Variants in GALNT2 observed in about 807,000 individuals in gnomAD.
GALNT2 encodes UDP-GalNAc:polypeptide N-acetylgalactosaminyltransferase 2.
A neutral mutation model predicts 81.4 loss-of-function variants in GALNT2; 31 were observed. The observed-to-expected ratio is 0.38, with a 90% confidence interval of 0.29 to 0.51. The LOEUF (loss-of-function observed/expected upper bound fraction) is 0.51. Among genes scored for constraint, GALNT2 ranks in the 20% least tolerant of loss-of-function variants. The pLI, the probability that GALNT2 is intolerant of heterozygous loss-of-function variation, is 0.87. For synonymous variants in GALNT2, 303 were observed against 287.4 expected (o/e 1.05, Z -0.55); for missense variants, 629 against 765.7 (o/e 0.82, Z 2.11).
intron 1 of GALNT2, among the ~76,000 whole-genome samples, chr1:230,086,074 C>T (rs966623828): frequency 7.2e-5 from 11 of 152,172 alleles, no homozygotes; most frequent in South Asian, 6.2e-4. Context: ...GAGAGATTTC[C>T]GTCCACCTTC....
chr1:230,178,561 A>G (rs1179182308), intron 2 of GALNT2, among the ~76,000 whole-genome samples: 1 of 152,230 alleles, frequency 6.6e-6, no homozygotes, highest in African/African-American at 2.4e-5. Context: ...GAAAGTATAT[A>G]TTAGTATATA....
upstream of GALNT2, among the ~76,000 whole-genome samples, chr1:230,062,348 G>A (rs2102733795): frequency 6.6e-6 from 1 of 152,168 alleles, no homozygotes; most frequent in African/African-American, 2.4e-5. Context: ...CTTGTCATTT[G>A]TAGTTTTTTC....
intron 1 of GALNT2, among the ~76,000 whole-genome samples, chr1:230,158,799 A>G (rs953573627): frequency 6.6e-6 from 1 of 152,094 alleles, no homozygotes; most frequent in Non-Finnish European, 1.5e-5. Flanking sequence ...ACAGATAAAG[A>G]TTTTGTACCA....
intron 15 of GALNT2, among the ~76,000 whole-genome samples, chr1:230,277,067 T>C (rs1196594270): frequency 1.6e-4 from 24 of 152,254 alleles, no homozygotes; most frequent in Admixed American, 1.6e-3. Flanking sequence ...CAGTCCCAGT[T>C]TTGGGGAACC....
At chr1:230,201,382 G>C (rs147094472) in intron 2 of GALNT2, among the ~76,000 whole-genome samples, 1 of 152,196 alleles carries the variant, frequency 6.6e-6, no homozygotes, top group African/African-American at 2.4e-5. Flanking sequence ...TTCTGACCTC[G>C]CAGGACCATT....
At chr1:230,141,142 A>G (rs1661717794) in intron 1 of GALNT2, among the ~76,000 whole-genome samples, 1 of 152,232 alleles carries the variant, frequency 6.6e-6, no homozygotes, top group East Asian at 1.9e-4. Context: ...ACAGGAGATT[A>G]GTAGGAACTG....
Position 230,275,375 on chromosome 1 carries a change from ACAC to A in GALNT2, c.1560+815_1560+817del, listed in dbSNP as rs560028014. On this transcript the variant is annotated intron_variant, in intron 15 of 15. Coordinates refer to ENST00000366672, the MANE Select transcript of GALNT2 (RefSeq NM_004481.5). The surrounding 1 kb of genome is among the most constrained non-coding windows in gnomAD (Gnocchi z 5.5). Reference sequence around the variant, plus strand: ...ATACATGCCACATATACATCTATAAACACCACATGTATACACGCCACATATATA... The same window carrying A: ...ATACATGCCACATATACATCTATAAACACATGTATACACGCCACATATATA... Among the ~76,000 whole-genome samples the A allele has an allele frequency of 5.4e-3, 815 of 151,016 alleles. 6 individuals are homozygous for A. The highest frequency in any genetic ancestry group is 4.8e-3 in the Non-Finnish European group (327 of 67,662).
At chr1:230,210,120 C>T (rs1664189094) in intron 3 of GALNT2, among the ~76,000 whole-genome samples, 1 of 152,160 alleles carries the variant, frequency 6.6e-6, no homozygotes, top group South Asian at 2.1e-4. Flanking sequence ...TTCCGGGATC[C>T]AAACTCCTTT....
chr1:230,267,106 C>T (rs1196290007), intron 14 of GALNT2, among the ~76,000 whole-genome samples: 1 of 152,234 alleles, frequency 6.6e-6, no homozygotes. Flanking sequence ...TGTGCACATG[C>T]ACCTAGACTC....
At chr1:230,061,192 ATGTG>A (rs58105454) in intron 1 of GALNT2, among the ~76,000 whole-genome samples, 4,050 of 148,870 alleles carry the variant, frequency 0.027, 75 homozygotes, top group African/African-American at 0.05. Flanking sequence ...ATGAGCATAG[ATGTG>A]TGTGTGTGTG....
chr1:230,154,099 GTGTC>G lies in GALNT2; in HGVS notation c.127-24116_127-24113del, dbSNP rs145137210. Among the ~76,000 whole-genome samples, 1,412 of 152,326 alleles carry G rather than the reference GTGTC, an allele frequency of 9.3e-3. 11 individuals are homozygous for G. Among genetic ancestry groups the G allele is most frequent in the Non-Finnish European group, 0.014 (938 of 68,010 alleles). Reference sequence around the variant, plus strand: ...TTTTTGAAAAGAGCTTGCATAATCAGTGTCTGGTGAGCTGTGAGGCCAAGAGCAT... The same window carrying G: ...TTTTTGAAAAGAGCTTGCATAATCAGTGGTGAGCTGTGAGGCCAAGAGCAT... On this transcript the variant is annotated intron_variant, in intron 1 of 15. Coordinates refer to ENST00000366672, the MANE Select transcript of GALNT2 (RefSeq NM_004481.5).
intron 1 of GALNT2, among the ~76,000 whole-genome samples, chr1:230,119,578 A>C (rs1221478282): frequency 6.6e-6 from 1 of 152,148 alleles, no homozygotes; most frequent in Admixed American, 6.5e-5. Context: ...CAACATTGTA[A>C]CATTTTAATT....
intron 1 of GALNT2, among the ~76,000 whole-genome samples, chr1:230,081,435 C>T (rs549728377): frequency 2.6e-5 from 4 of 152,026 alleles, no homozygotes; most frequent in African/African-American, 7.2e-5. Flanking sequence ...TTTTAATACT[C>T]TTATTGGCAA....
intron 3 of GALNT2, among the ~76,000 whole-genome samples, chr1:230,211,954 C>T (rs538211207): frequency 3.9e-4 from 59 of 152,180 alleles, no homozygotes; most frequent in African/African-American, 1.4e-3. Context: ...GTTTGCAGAG[C>T]AGAGGTTGTT....
chr1:230,108,886 T>G (rs6701288), intron 1 of GALNT2, among the ~76,000 whole-genome samples: 3,709 of 152,312 alleles, frequency 0.024, 161 homozygotes, highest in African/African-American at 0.085. Flanking sequence ...AATTCCAGAT[T>G]TGAAGTACAG....
intron 1 of GALNT2, among the ~76,000 whole-genome samples, chr1:230,075,198 T>C (rs955764256): frequency 7.3e-6 from 1 of 137,428 alleles, no homozygotes; most frequent in African/African-American, 2.6e-5. Flanking sequence ...CAATCTCGGC[T>C]CACTGCAACC....
At chr1:230,067,498 C>G in intron 1 of GALNT2, 92 bp downstream of exon 1, 1 of 422,310 alleles carries the variant, frequency 2.4e-6, no homozygotes, top group Non-Finnish European at 3.6e-6. Flanking sequence ...CCCCTGCGCT[C>G]CTCCGCCCGG....
intron 1 of GALNT2, among the ~76,000 whole-genome samples, chr1:230,123,578 C>T (rs1466714999): frequency 6.6e-6 from 1 of 152,166 alleles, no homozygotes; most frequent in Non-Finnish European, 1.5e-5. Context: ...CCGACTCCAC[C>T]TTTGATTTTC....
intron 1 of GALNT2, among the ~76,000 whole-genome samples, chr1:230,101,692 G>T (rs545457536): frequency 1.1e-4 from 17 of 152,342 alleles, no homozygotes; most frequent in South Asian, 1.0e-3. Context: ...TGTATCTTAA[G>T]TGGAACTGTG....
Sources: gnomAD v4.1 joint callset for allele counts (sites outside exome capture counted in the v4.1 genomes callset) on GRCh38, gnomAD v4.1.1 for gene constraint, Gnocchi (gnomAD v3.1) non-coding constraint, MANE v1.5 for transcripts, NCBI Gene and HGNC (gene_info 2026-07-23, HGNC 2026-07-21) for gene names.